ARSJ: variants seen among roughly 807,000 people sequenced by gnomAD.
ARSJ encodes the protein arylsulfatase family member J.
Under a neutral mutation model 35.9 loss-of-function variants are expected in ARSJ, and 26 were observed. That is an observed-to-expected ratio of 0.72 (90% confidence interval 0.53 to 1.00). ARSJ has a LOEUF of 1.00. Ranked by LOEUF, ARSJ falls within the 50% of genes least tolerant of loss-of-function variation. The probability of loss-of-function intolerance (pLI) is 0.00; values close to 1 mark genes in which losing one functional copy is unlikely to be tolerated. For synonymous variants in ARSJ, 294 were observed against 267.6 expected (o/e 1.10, Z -0.96); for missense variants, 667 against 723.6 (o/e 0.92, Z 0.90).
intron 1 of ARSJ, among the ~76,000 whole-genome samples, chr4:113,925,967 G>A (rs1360973645): frequency 6.6e-6 from 1 of 152,118 alleles, no homozygotes; most frequent in East Asian, 1.9e-4. Flanking sequence ...ATGTTGTGGA[G>A]CGCATGCATA....
chr4:113,957,519 A>G (rs534862711), intron 1 of ARSJ, among the ~76,000 whole-genome samples: 3 of 152,084 alleles, frequency 2.0e-5, no homozygotes, highest in Non-Finnish European at 4.4e-5. Context: ...GTCTTTTGTT[A>G]CATTGAGTGG....
At chr4:113,968,132 T>G (rs1344816930) in intron 1 of ARSJ, among the ~76,000 whole-genome samples, 1 of 152,152 alleles carries the variant, frequency 6.6e-6, no homozygotes, top group East Asian at 1.9e-4. Flanking sequence ...ACAATTCTAC[T>G]TAATCCTCAT....
chr4:113,916,334 G>A lies in ARSJ; in HGVS notation c.399-12659C>T, dbSNP rs542649908. On this transcript the variant is annotated intron_variant, in intron 1 of 1. Coordinates refer to ENST00000315366, the MANE Select transcript of ARSJ (RefSeq NM_024590.4). ...TAGGCTGTGTAACCTTGAGCATGCC[G>A]CTCAACCTGAACCTCAGTCTTTTCA... Among the ~76,000 whole-genome samples, 316 of 152,160 alleles carry A rather than the reference G, an allele frequency of 2.1e-3. 13 individuals are homozygous for A. The South Asian group carries it at 0.063, about 30-fold the overall frequency.
chr4:113,941,165 G>A (rs1594458463), intron 1 of ARSJ, among the ~76,000 whole-genome samples: 1 of 152,116 alleles, frequency 6.6e-6, no homozygotes, highest in African/African-American at 2.4e-5. Context: ...AGATGTAAAC[G>A]TGATATGTGC....
chr4:113,968,719 T>G (rs1015384230), intron 1 of ARSJ, among the ~76,000 whole-genome samples: 1 of 152,198 alleles, frequency 6.6e-6, no homozygotes, highest in African/African-American at 2.4e-5. Flanking sequence ...TTGAAGGCCC[T>G]TATATGGAAT....
At chr4:113,929,916 G>A (rs1393348952) in intron 1 of ARSJ, among the ~76,000 whole-genome samples, 2 of 152,092 alleles carry the variant, frequency 1.3e-5, no homozygotes, top group Admixed American at 6.6e-5. Flanking sequence ...CAAGCAGTGA[G>A]TGAATCAGGG....
intron 1 of ARSJ, among the ~76,000 whole-genome samples, chr4:113,950,351 T>C (rs1725781913): frequency 6.6e-6 from 1 of 152,108 alleles, no homozygotes; most frequent in Non-Finnish European, 1.5e-5. Flanking sequence ...CATTGCTTTA[T>C]GACTGGCTGG....
Position 113,979,114 on chromosome 4 carries a change from A to AG in ARSJ, c.-281dup, listed in dbSNP as rs1562384843. On this transcript the variant is annotated 5_prime_UTR_variant, in exon 1 of 2. Coordinates refer to ENST00000315366, the MANE Select transcript of ARSJ (RefSeq NM_024590.4). Reference sequence around the variant, plus strand: ...GCAGCTTCCACCAAGGAAAAAAAAAAGAAAAAAGTTAATATCTCCACCCAA... The same window carrying AG: ...GCAGCTTCCACCAAGGAAAAAAAAAAGGAAAAAAGTTAATATCTCCACCCAA... 2 of 336,062 alleles carry AG rather than the reference A, an allele frequency of 6.0e-6. No individual in the cohort carries two copies. Among genetic ancestry groups the AG allele is most frequent in the Admixed American group, 4.4e-5 (1 of 22,858 alleles). The allele number at this position is 336,062 out of a possible 1,614,324, so 20.8% of individuals were successfully genotyped here.
Position 113,902,882 on chromosome 4 carries a change from G to T in ARSJ, c.1192C>A (p.Leu398Ile), listed in dbSNP as rs749353614. The change falls in exon 2 of 2, where the codon CTA (leucine) becomes ATA (isoleucine). Residue 398 changes from leucine (L) to isoleucine (I), a missense_variant. Leu to Ile is a conservative substitution (Grantham distance 5). Transcript: ENST00000315366. ...GTCTCCCAGATATCATAGCCATCTA[G>T]TTGAATGTCCTCATCAATCTGTCCT... ...AEGQIDEDIQ[L>I]DGYDIWETIS... 17 of 1,614,170 alleles carry T rather than the reference G, an allele frequency of 1.1e-5. No individual in the cohort carries two copies. In the South Asian group the frequency reaches 1.8e-4, roughly 17 times the overall value.
chr4:113,931,395 A>G (rs1459450115), intron 1 of ARSJ, among the ~76,000 whole-genome samples: 1 of 152,080 alleles, frequency 6.6e-6, no homozygotes, highest in East Asian at 1.9e-4. Flanking sequence ...GATAACCAAA[A>G]CATAAAGGGT....
chr4:113,918,030 A>G (rs1002022832), intron 1 of ARSJ, among the ~76,000 whole-genome samples: 12 of 152,198 alleles, frequency 7.9e-5, no homozygotes, highest in African/African-American at 2.2e-4. Flanking sequence ...TCAGCCTTAC[A>G]TTTCCCAACC....
At chr4:113,944,607 G>A (rs1234008124) in intron 1 of ARSJ, among the ~76,000 whole-genome samples, 1 of 152,076 alleles carries the variant, frequency 6.6e-6, no homozygotes, top group African/African-American at 2.4e-5. Flanking sequence ...AGGAGGTAGA[G>A]TGTTCTAGCA....
At chr4:113,944,663 T>G (rs1271492539) in intron 1 of ARSJ, among the ~76,000 whole-genome samples, 2 of 152,032 alleles carry the variant, frequency 1.3e-5, no homozygotes, top group East Asian at 3.9e-4. Flanking sequence ...GTCTTATGAT[T>G]GACTAGACTG....
At chr4:113,960,152 C>T (rs34703805) in intron 1 of ARSJ, among the ~76,000 whole-genome samples, 1,780 of 151,930 alleles carry the variant, frequency 0.012, 19 homozygotes, top group Non-Finnish European at 0.018. Flanking sequence ...AATGATAAAA[C>T]GATAAGAAAA....
At chr4:113,934,410 G>T (rs936713924) in intron 1 of ARSJ, among the ~76,000 whole-genome samples, 2 of 151,760 alleles carry the variant, frequency 1.3e-5, no homozygotes, top group Non-Finnish European at 3.0e-5. Context: ...CAATAAAAAA[G>T]AATTAACTCC....
At chr4:113,976,267 A>G (rs1727586409) in intron 1 of ARSJ, among the ~76,000 whole-genome samples, 1 of 152,130 alleles carries the variant, frequency 6.6e-6, no homozygotes, top group African/African-American at 2.4e-5. Context: ...CACATAACCC[A>G]TTTTATTTCC....
At chr4:113,910,686 G>C (rs897440777) in intron 1 of ARSJ, among the ~76,000 whole-genome samples, 1 of 152,048 alleles carries the variant, frequency 6.6e-6, no homozygotes, top group African/African-American at 2.4e-5. Context: ...AAAGTGGGGC[G>C]GGCTGTGGCA....
chr4:113,977,674 A>AATTTAAGTAGAAG (rs1315157302), intron 1 of ARSJ, among the ~76,000 whole-genome samples: 1 of 152,258 alleles, frequency 6.6e-6, no homozygotes, highest in Non-Finnish European at 1.5e-5. Flanking sequence ...ATGTTTGAAC[A>AATTTAAGTAGAAG]ATTTAAGTAG....
In ARSJ at chr4:113,902,026, T is replaced by G; in HGVS notation, c.*248A>C. 1 of 1,192,000 alleles carries G rather than the reference T, an allele frequency of 8.4e-7. No homozygotes were observed. The highest frequency in any genetic ancestry group is 1.1e-6 in the Non-Finnish European group (1 of 878,306). The allele number at this position is 1,192,000 out of a possible 1,614,324, so 73.8% of individuals were successfully genotyped here. A position where few individuals can be genotyped will look rare whatever the true frequency, so the allele number is the denominator to read the frequency against. ...GGAACTCAGGACTCACCACGTTTTC[T>G]AAAGGAGCAAGAGAAATAAACATCT... On this transcript the variant is annotated 3_prime_UTR_variant, in exon 2 of 2. Transcript: ENST00000315366.
Sources: gnomAD v4.1 joint callset for allele counts (sites outside exome capture counted in the v4.1 genomes callset) on GRCh38, gnomAD v4.1.1 for gene constraint, MANE v1.5 for transcripts, NCBI Gene and HGNC (gene_info 2026-07-23, HGNC 2026-07-21) for gene names.